DNAH9: variants seen among roughly 807,000 people sequenced by gnomAD.
DNAH9 encodes the protein DNAH9 variant protein.
In DNAH9, 345 loss-of-function variants were observed where a neutral mutation model predicts 471.6. That is an observed-to-expected ratio of 0.73 (90% CI 0.67 to 0.80). DNAH9 has a LOEUF of 0.80. DNAH9 is among the 30% of genes least tolerant of loss of function. The pLI is 0.00. For missense variants in DNAH9, 5,407 were observed against 5,609.2 expected (o/e 0.96, Z 1.15); for synonymous variants, 2,093 against 2,123.6 (o/e 0.99, Z 0.40).
chr17:11,704,970 A>G, intron 25 of DNAH9, 55 bp from the exon 26 acceptor site: 1 of 1,504,768 alleles, frequency 6.6e-7, no homozygotes, highest in African/African-American at 1.4e-5. Context: ...TCTTGTGGCC[A>G]AGGGACTACC....
At chr17:11,712,861 T>C (rs1235626710) in intron 26 of DNAH9, among the ~76,000 whole-genome samples, 2 of 151,986 alleles carry the variant, frequency 1.3e-5, no homozygotes, top group Non-Finnish European at 2.9e-5. Flanking sequence ...CTCATTTTTT[T>C]TTTCTTAAAA....
chr17:11,721,949 T>C (rs2075067553), intron 27 of DNAH9, among the ~76,000 whole-genome samples: 1 of 152,096 alleles, frequency 6.6e-6, no homozygotes, highest in African/African-American at 2.4e-5. Context: ...AGAGAGCATG[T>C]GGCATTTTCA....
At chr17:11,898,099 G>A (rs1306970978) in intron 59 of DNAH9, among the ~76,000 whole-genome samples, 2 of 151,216 alleles carry the variant, frequency 1.3e-5, no homozygotes, top group Admixed American at 1.3e-4. Flanking sequence ...CCCTCTGCGA[G>A]TCTCTGCCTT....
At chr17:11,919,692 T>TG (rs1231378979) in intron 61 of DNAH9, among the ~76,000 whole-genome samples, 2 of 151,968 alleles carry the variant, frequency 1.3e-5, no homozygotes, top group Non-Finnish European at 2.9e-5. Flanking sequence ...AACTCAGAGT[T>TG]GGGGTCTTAG....
At chr17:11,944,734 A>C (rs1049975972) in intron 67 of DNAH9, among the ~76,000 whole-genome samples, 1 of 152,128 alleles carries the variant, frequency 6.6e-6, no homozygotes, top group African/African-American at 2.4e-5. Context: ...AAGTTTTATC[A>C]CATGTTCCCA....
In DNAH9 at chr17:11,915,109, T is replaced by A. The variant is rs978817729; in HGVS notation, c.11750-8705T>A. On this transcript the variant is annotated intron_variant, in intron 61 of 68. Transcript: ENST00000262442. The stretch of plus-strand genomic sequence containing the variant: ...AATCACCATAGTCTTTCACCTGGCT[T>A]ATTACACTAGCCTCCTAGCTCATCT... Among the ~76,000 whole-genome samples the A allele has an allele frequency of 3.3e-5, 5 of 152,202 alleles. No homozygotes were observed. The East Asian group carries it at 9.6e-4, about 29-fold the overall frequency.
chr17:11,627,029 A>G (rs1567674312), intron 6 of DNAH9, among the ~76,000 whole-genome samples: 1 of 152,124 alleles, frequency 6.6e-6, no homozygotes, highest in Non-Finnish European at 1.5e-5. Flanking sequence ...ATAATTCCAG[A>G]GTGTGATAAG....
intron 35 of DNAH9, among the ~76,000 whole-genome samples, chr17:11,759,773 G>C (rs1379463574): frequency 6.7e-6 from 1 of 150,172 alleles, no homozygotes; most frequent in African/African-American, 2.5e-5. Flanking sequence ...TGCAACCTCT[G>C]CCTCCTGGGT....
Position 11,841,490 on chromosome 17 carries a change from T to C in DNAH9, c.9507+6592T>C, listed in dbSNP as rs540699009. 2.0e-5 allele frequency among the ~76,000 whole-genome samples: 3 copies of C among 152,336 alleles called. No homozygotes were observed. In the South Asian group the frequency reaches 6.2e-4, roughly 32 times the overall value. ...AGGAGGGTAGGGGAACAGTCACTTA[T>C]GCGTCCATCTTGCTCAGTGAATCTG... On this transcript the variant is annotated intron_variant, in intron 49 of 68. Coordinates refer to ENST00000262442, the MANE Select transcript of DNAH9 (RefSeq NM_001372.4).
chr17:11,773,015 G>A (rs1597624905), intron 38 of DNAH9, among the ~76,000 whole-genome samples: 1 of 152,128 alleles, frequency 6.6e-6, no homozygotes, highest in Admixed American at 6.5e-5. Flanking sequence ...CAGAAGAAAG[G>A]GTGTTACCAA....
chr17:11,604,623 C>G (rs919371427), intron 1 of DNAH9, among the ~76,000 whole-genome samples: 2 of 152,182 alleles, frequency 1.3e-5, no homozygotes, highest in Non-Finnish European at 2.9e-5. Flanking sequence ...CACCTTTACT[C>G]CTCCCCACAT....
intron 25 of DNAH9, among the ~76,000 whole-genome samples, 176 bp downstream of exon 25, chr17:11,704,618 T>G (rs938478738): frequency 6.6e-6 from 1 of 150,908 alleles, no homozygotes; most frequent in Non-Finnish European, 1.5e-5. Context: ...AGTTTCGCTC[T>G]TATTGCCCAG....
At chr17:11,698,182 T>TATTAATATATATTATTATA (rs369729599) in intron 22 of DNAH9, among the ~76,000 whole-genome samples, 1 of 120,350 alleles carries the variant, frequency 8.3e-6, no homozygotes, top group East Asian at 2.1e-4. Context: ...TAATATATTA[T>TATTAATATATATTATTATA]TATATTAATA....
intron 67 of DNAH9, among the ~76,000 whole-genome samples, chr17:11,944,752 G>A (rs912847663): frequency 1.3e-5 from 2 of 152,062 alleles, no homozygotes; most frequent in African/African-American, 4.8e-5. Flanking sequence ...CCATCTCCAC[G>A]CTCCAGTCCT....
In DNAH9 at chr17:11,962,123, A is replaced by C; in HGVS notation, c.13100A>C (p.Asn4367Thr). Residue 4367 changes from asparagine (N) to threonine (T), a missense_variant, in exon 68 of 69, where the codon AAT (asparagine) becomes ACT (threonine). Coordinates refer to ENST00000262442, the MANE Select transcript of DNAH9 (RefSeq NM_001372.4). The surrounding 1 kb of genome is among the most constrained non-coding windows in gnomAD (Gnocchi z 4.1). ...TAIMQSTARK[N>T]EWPLDQMALQ... ...ATCATGCAGTCCACGGCTCGCAAGAATGAGTGGCCACTGGACCAGATGGCC... is the reference window on the plus strand; with the variant it reads ...ATCATGCAGTCCACGGCTCGCAAGACTGAGTGGCCACTGGACCAGATGGCC... 6.2e-7 allele frequency: 1 copy of C among 1,614,184 alleles called. No homozygotes were observed. The highest frequency in any genetic ancestry group is 8.5e-7 in the Non-Finnish European group (1 of 1,180,040).
chr17:11,930,079 G>A lies in DNAH9; in HGVS notation c.12091G>A (p.Asp4031Asn). ...GCATGCCAACCTGCACAAGGCCCTG[G>A]ACAACTTCACTCAGGTACGGCCCCG... ...GMHANLHKAL[D>N]NFTQDTLEMC... The change falls in exon 63 of 69, where the codon GAC becomes AAC. Residue 4031 changes from aspartate to asparagine, a missense_variant. This residue lies in a region of DNAH9 where 4,636 missense variants were observed against 4,900.3 expected (regional missense o/e 0.95). Transcript: ENST00000262442. 1 of 1,613,918 alleles carries A rather than the reference G, an allele frequency of 6.2e-7. No individual in the cohort carries two copies. The highest frequency in any genetic ancestry group is 8.5e-7 in the Non-Finnish European group (1 of 1,179,944).
intron 57 of DNAH9, among the ~76,000 whole-genome samples, chr17:11,889,514 G>T (rs1220791535): frequency 6.6e-6 from 1 of 152,210 alleles, no homozygotes; most frequent in East Asian, 1.9e-4. Flanking sequence ...TGTGCCTCCA[G>T]TGTTGCCACA....
chr17:11,965,028 A>C (rs1012217040), intron 68 of DNAH9, among the ~76,000 whole-genome samples: 1 of 152,228 alleles, frequency 6.6e-6, no homozygotes, highest in African/African-American at 2.4e-5. Context: ...GAAGCAGTAG[A>C]TAATAGTGGT....
At position 11,652,810 on chromosome 17, in the gene DNAH9, A is replaced by G. The variant is rs767925067; in HGVS notation, c.2403A>G (p.Glu801=). ...TCACCAGTAGTATTCATGATCTTGA[A>G]CAAAGAATTCAGAAAACTAAAGACA... ...TEITSSIHDL[E]QRIQKTKDNV... Residue 801 remains glutamate (E), a synonymous_variant, in exon 14 of 69, where the codon GAA becomes GAG. Transcript: ENST00000262442. 1 of 1,613,590 alleles carries G rather than the reference A, an allele frequency of 6.2e-7. No individual in the cohort carries two copies. The highest frequency in any genetic ancestry group is 1.7e-5 in the Admixed American group (1 of 60,018).
Sources: allele counts gnomAD v4.1 joint callset (sites outside exome capture counted in the v4.1 genomes callset), GRCh38; gene constraint gnomAD v4.1.1; regional missense constraint gnomAD v4.1.1; non-coding constraint Gnocchi (gnomAD v3.1); transcripts MANE v1.5; gene names NCBI Gene and HGNC (gene_info 2026-07-23, HGNC 2026-07-21).